Variants in ATP2B3 observed in about 807,000 individuals in gnomAD.
ATP2B3 encodes the protein ATPase plasma membrane Ca2+ transporting 3.
A neutral mutation model predicts 70.8 loss-of-function variants in ATP2B3; 12 were observed. The ratio of observed to expected loss-of-function variants is 0.17; its 90% CI spans 0.11 to 0.27. The LOEUF (loss-of-function observed/expected upper bound fraction) is 0.27, where lower values mean the gene tolerates loss of function less well. Ranked by LOEUF, ATP2B3 falls within the 10% of genes least tolerant of loss-of-function variation. ATP2B3 has a pLI of 1.00. For synonymous variants in ATP2B3, 460 were observed against 497.8 expected, an observed-to-expected ratio of 0.92 and a Z score of 1.01; for missense variants, 858 against 1,118.5, an observed-to-expected ratio of 0.77 and a Z score of 3.32.
rs782764106 is a variant in ATP2B3 at position 153,564,870 on chromosome X, C to G, written c.3160-51C>G. On this transcript the variant is annotated intron_variant, in intron 20 of 21. Coordinates refer to ENST00000263519, the MANE Select transcript of ATP2B3 (RefSeq NM_001001344.3). ...CTCTGGAGAGGGACCTTACACCAGG[C>G]AGATGCTGCTCAGCCTGGCTCTCAC... 4 of 1,094,758 alleles carry G rather than the reference C, an allele frequency of 3.7e-6. No homozygotes were observed. In the East Asian group the frequency reaches 1.0e-4, roughly 27 times the overall value. The allele number at this position is 1,094,758 out of a possible 1,213,427, so 90.2% of individuals were successfully genotyped here.
intron 9 of ATP2B3, 78 bp from the exon 10 acceptor site, chrX:153,548,562 C>A: frequency 1.1e-6 from 1 of 908,214 alleles, no homozygotes; most frequent in Non-Finnish European, 1.6e-6. Context: ...CGTGTCCATA[C>A]CTCTTCTTCC....
chrX:153,562,977 C>T (rs2090647781), intron 20 of ATP2B3, among the ~76,000 whole-genome samples: 2 of 110,967 alleles, frequency 1.8e-5, no homozygotes, highest in Admixed American at 1.9e-4. Flanking sequence ...TCTGGTGTTT[C>T]CTCTCCTAGG....
chrX:153,567,154 G>A (rs72616438), intron 21 of ATP2B3, among the ~76,000 whole-genome samples: 1,272 of 113,271 alleles, frequency 0.011, 16 homozygotes, highest in East Asian at 0.067. Flanking sequence ...TCGCCAGATG[G>A]CCTGCGTCTC....
chrX:153,544,077 C>T (rs182548921), intron 7 of ATP2B3, among the ~76,000 whole-genome samples: 315 of 112,959 alleles, frequency 2.8e-3, no homozygotes, highest in Non-Finnish European at 3.5e-3. Flanking sequence ...AGCCCTGCCT[C>T]CTGGCAGCCT....
At chrX:153,568,745 A>C (rs1156964924) in intron 21 of ATP2B3, among the ~76,000 whole-genome samples, 1 of 112,296 alleles carries the variant, frequency 8.9e-6, no homozygotes, top group East Asian at 2.8e-4. Context: ...CTGAACACTC[A>C]AGCTGCCTTC....
At chrX:153,569,801 G>A in intron 21 of ATP2B3, 1 of 1,185,330 alleles carries the variant, frequency 8.4e-7, no homozygotes, top group Non-Finnish European at 1.1e-6. Flanking sequence ...CATCTCTGGG[G>A]AAGAATAAGC....
intron 8 of ATP2B3, 31 bp downstream of exon 8, chrX:153,546,160 G>T: frequency 8.3e-7 from 1 of 1,208,928 alleles, no homozygotes; most frequent in Non-Finnish European, 1.1e-6. Flanking sequence ...GGCACAACAA[G>T]CTTGGAGCCC....
chrX:153,560,655 G>A (rs1442655846), intron 18 of ATP2B3, 21 bp from the exon 19 acceptor site: 1 of 1,207,824 alleles, frequency 8.3e-7, no homozygotes, highest in African/African-American at 1.8e-5. Context: ...CTGTGCCTGA[G>A]TGGGGAATGT....
intron 2 of ATP2B3, among the ~76,000 whole-genome samples, chrX:153,530,915 C>T (rs782586752): frequency 5.3e-5 from 6 of 112,611 alleles, no homozygotes; most frequent in South Asian, 3.7e-4. Context: ...CAAGTGGAGC[C>T]GTGAGGGCCC....
chrX:153,571,003 TAC>T (rs879951205), intron 21 of ATP2B3, among the ~76,000 whole-genome samples: 1,082 of 87,593 alleles, frequency 0.012, 11 homozygotes, highest in African/African-American at 0.037. Context: ...CGTGCGCGCG[TAC>T]ACACACACAC....
At chrX:153,542,068 G>A (rs2124411840) in intron 5 of ATP2B3, 142 bp downstream of exon 5, 2 of 605,494 alleles carry the variant, frequency 3.3e-6, no homozygotes, top group East Asian at 1.2e-4. Context: ...GGAGGTGGCG[G>A]GGGTGGGGGA....
intron 2 of ATP2B3, among the ~76,000 whole-genome samples, chrX:153,524,927 G>A (rs781974318): frequency 3.6e-5 from 4 of 112,008 alleles, no homozygotes; most frequent in Admixed American, 9.4e-5. Context: ...TTCCGAAGCC[G>A]CAGATGAGTC....
Position 153,559,847 on chromosome X carries a change from G to A in ATP2B3, c.2744G>A (p.Gly915Asp). 2 of 1,212,022 alleles carry A rather than the reference G, an allele frequency of 1.7e-6. No individual in the cohort carries two copies. Among genetic ancestry groups the A allele is most frequent in the Non-Finnish European group, 2.2e-6 (2 of 895,565 alleles). Reference sequence around the variant, plus strand: ...TCGCTGCTGCTGCGGAAGCCGTACGGCCGCGACAAGCCCCTCATCTCCCGC... The same window carrying A: ...TCGCTGCTGCTGCGGAAGCCGTACGACCGCGACAAGCCCCTCATCTCCCGC... ...TESLLLRKPY[G>D]RDKPLISRTM... is the part of the protein sequence containing the mutation. Residue 915 changes from glycine to aspartate, a missense_variant, in exon 18 of 22, where the codon GGC becomes GAC. Physicochemically the swap from Gly to Asp is moderately conservative, Grantham distance 94. This residue lies in a region of ATP2B3 where 265 missense variants were observed against 305.3 expected (regional missense o/e 0.87). Coordinates refer to ENST00000263519, the MANE Select transcript of ATP2B3 (RefSeq NM_001001344.3).
intron 9 of ATP2B3, 31 bp from the exon 10 acceptor site, chrX:153,548,609 C>A (rs369313658): frequency 8.5e-7 from 1 of 1,177,562 alleles, no homozygotes; most frequent in South Asian, 1.8e-5. Context: ...CCCGTGGCAA[C>A]CCCTTTCGTC....
intron 17 of ATP2B3, 145 bp from the exon 18 acceptor site, chrX:153,559,584 A>T (rs1213716297): frequency 4.0e-6 from 2 of 505,202 alleles, no homozygotes; most frequent in Non-Finnish European, 6.6e-6. Flanking sequence ...CGTAAAGGCG[A>T]TGTAGGGATG....
intron 21 of ATP2B3, chrX:153,569,910 A>C: frequency 1.7e-6 from 1 of 596,756 alleles, no homozygotes; most frequent in Non-Finnish European, 2.6e-6. Flanking sequence ...TCCCGCCCAG[A>C]CGGTGTCTCT....
At chrX:153,523,448 G>A (rs946953563) in intron 2 of ATP2B3, among the ~76,000 whole-genome samples, 1 of 111,890 alleles carries the variant, frequency 8.9e-6, no homozygotes, top group Non-Finnish European at 1.9e-5. Flanking sequence ...CTGAGGAGAG[G>A]GCCCAGGCAG....
chrX:153,563,076 A>G (rs1557016924), intron 20 of ATP2B3, among the ~76,000 whole-genome samples: 1 of 107,930 alleles, frequency 9.3e-6, no homozygotes, highest in Non-Finnish European at 1.9e-5. Flanking sequence ...CACACTGGGC[A>G]CTAGGACTTC....
At chrX:153,520,154 G>C (rs2089937381) in intron 2 of ATP2B3, among the ~76,000 whole-genome samples, 1 of 112,828 alleles carries the variant, frequency 8.9e-6, no homozygotes, top group Non-Finnish European at 1.9e-5. Flanking sequence ...AAGCCTGTGA[G>C]TCAGTGAGTG....
Sources: gnomAD v4.1 joint callset for allele counts (sites outside exome capture counted in the v4.1 genomes callset) on GRCh38, gnomAD v4.1.1 for gene constraint, gnomAD v4.1.1 regional missense constraint, MANE v1.5 for transcripts, NCBI Gene and HGNC (gene_info 2026-07-23, HGNC 2026-07-21) for gene names.